Variants in EEA1 observed in about 807,000 individuals in gnomAD.
The protein encoded by EEA1 is early endosome antigen 1, also known as early endosome antigen 1, 162kD.
A neutral mutation model predicts 209.2 loss-of-function variants in EEA1; 111 were observed. The ratio of observed to expected loss-of-function variants is 0.53; its 90% CI spans 0.45 to 0.62. The LOEUF (loss-of-function observed/expected upper bound fraction) is 0.62, where lower values mean the gene tolerates loss of function less well. Ranked by LOEUF, EEA1 falls within the 20% of genes least tolerant of loss-of-function variation. The probability of loss-of-function intolerance (pLI) is 0.00; values close to 1 mark genes in which losing one functional copy is unlikely to be tolerated. For missense variants in EEA1, 1,343 were observed against 1,530.8 expected (o/e 0.88, Z 2.05); for synonymous variants, 536 against 540.6 (o/e 0.99, Z 0.12).
At chr12:92,784,786 T>G (rs1242852481) in intron 22 of EEA1, among the ~76,000 whole-genome samples, 1 of 152,208 alleles carries the variant, frequency 6.6e-6, no homozygotes, top group East Asian at 1.9e-4. Context: ...TATTGCATAT[T>G]ATTTCCTCTG....
intron 14 of EEA1, among the ~76,000 whole-genome samples, chr12:92,818,569 T>C (rs1279034234): frequency 6.6e-6 from 1 of 152,174 alleles, no homozygotes; most frequent in East Asian, 1.9e-4. Flanking sequence ...AACTAAAAAC[T>C]AACCTAAAGA....
intron 5 of EEA1, among the ~76,000 whole-genome samples, chr12:92,856,761 C>T (rs1303709519): frequency 7.4e-6 from 1 of 135,360 alleles, no homozygotes; most frequent in Non-Finnish European, 1.5e-5. Context: ...ATATAGATAC[C>T]TGATTCTTTT....
rs141703509 is a variant in EEA1 at position 92,806,984 on chromosome 12, T to C, written c.2339+2033A>G. Among the ~76,000 whole-genome samples, 766 of 151,804 alleles carry C rather than the reference T, an allele frequency of 5.0e-3. 6 individuals carry two copies. Among genetic ancestry groups the C allele is most frequent in the African/African-American group, 0.017 (720 of 41,292 alleles). ...ACGGAGTCTCGCTCTGTCGCCCAGG[T>C]TGGAGTGCAGTGGCACTGGAGTGCA... is the stretch of plus-strand genomic sequence containing the variant. On this transcript the variant is annotated intron_variant, in intron 18 of 28. Coordinates refer to ENST00000322349, the MANE Select transcript of EEA1 (RefSeq NM_003566.4).
rs1029477160 is a variant in EEA1 at position 92,798,885 on chromosome 12, T to C, written c.2967+7A>G. 3 of 1,569,962 alleles carry C rather than the reference T, an allele frequency of 1.9e-6. No individual in the cohort carries two copies. Among genetic ancestry groups the C allele is most frequent in the African/African-American group, 1.4e-5 (1 of 72,590 alleles). ...TTCCTATAAAAAGTAAACAAATATA[T>C]CACTACCTTCTGTAAAACAGCAATT... On this transcript the variant is annotated splice_region_variant and intron_variant, in intron 21 of 28. Coordinates refer to ENST00000322349, the MANE Select transcript of EEA1 (RefSeq NM_003566.4).
intron 1 of EEA1, among the ~76,000 whole-genome samples, chr12:92,921,012 T>C (rs935586255): frequency 0.04 from 6,044 of 151,456 alleles, 399 homozygotes; most frequent in African/African-American, 0.13. Context: ...TCATCATCAC[T>C]GGCCATCAGA....
intron 18 of EEA1, among the ~76,000 whole-genome samples, chr12:92,805,474 A>T (rs1875156775): frequency 6.6e-6 from 1 of 152,144 alleles, no homozygotes; most frequent in African/African-American, 2.4e-5. Flanking sequence ...TACCTTTACT[A>T]CTGGAACAGT....
intron 2 of EEA1, among the ~76,000 whole-genome samples, chr12:92,879,011 C>T: frequency 6.6e-6 from 1 of 152,044 alleles, no homozygotes; most frequent in Non-Finnish European, 1.5e-5. Context: ...GTATACCTCC[C>T]TAATTTATGA....
intron 1 of EEA1, among the ~76,000 whole-genome samples, chr12:92,919,356 T>C (rs1373381217): frequency 6.8e-6 from 1 of 146,690 alleles, no homozygotes; most frequent in African/African-American, 2.5e-5. Context: ...AATAAAATAC[T>C]GGCAAACTGA....
At position 92,797,191 on chromosome 12, in the gene EEA1, G is replaced by A. The variant is rs368195479; in HGVS notation, c.2967+1701C>T. Among the ~76,000 whole-genome samples the A allele has an allele frequency of 4.6e-5, 7 of 152,222 alleles. No individual in the cohort carries two copies. The South Asian group carries it at 1.2e-3, about 27-fold the overall frequency. On this transcript the variant is annotated intron_variant, in intron 21 of 28. Coordinates refer to ENST00000322349, the MANE Select transcript of EEA1 (RefSeq NM_003566.4). ...CAACCTCTGCCTCTGGGGTTCAAGC[G>A]AGTCTCCTGCCTCAGCCTTCGGAGT...
rs770552779 is a variant in EEA1 at position 92,819,518 on chromosome 12, A to G, written c.1525-7T>C. 6.4e-7 allele frequency: 1 copy of G among 1,568,020 alleles called. No homozygotes were observed. The highest frequency in any genetic ancestry group is 1.2e-5 in the South Asian group (1 of 81,704). On this transcript the variant is annotated splice_polypyrimidine_tract_variant and splice_region_variant and intron_variant, in intron 13 of 28. Coordinates refer to ENST00000322349, the MANE Select transcript of EEA1 (RefSeq NM_003566.4). ...GAACTTGTTCCAAATCATTCTGTAA[A>G]GAATTGAAAACTACTACTTTAAGAA...
intron 10 of EEA1, among the ~76,000 whole-genome samples, chr12:92,834,916 G>A (rs1876843571): frequency 6.7e-6 from 1 of 149,188 alleles, no homozygotes; most frequent in African/African-American, 2.5e-5. Flanking sequence ...GTCTCACTCT[G>A]TCGCCCAGAC....
intron 22 of EEA1, among the ~76,000 whole-genome samples, chr12:92,782,985 T>C (rs1459186988): frequency 1.3e-5 from 2 of 152,248 alleles, no homozygotes; most frequent in African/African-American, 4.8e-5. Context: ...TCTGTGCCCC[T>C]TCCCCCATAT....
intron 1 of EEA1, among the ~76,000 whole-genome samples, chr12:92,898,044 G>A (rs994161167): frequency 1.3e-5 from 2 of 151,962 alleles, no homozygotes; most frequent in Admixed American, 6.5e-5. Context: ...AACCAAGCCC[G>A]CAATATCTCC....
In EEA1 at chr12:92,892,871, C is replaced by A. The variant is rs183766143; in HGVS notation, c.25-1150G>T. On this transcript the variant is annotated intron_variant, in intron 1 of 28. Transcript: ENST00000322349. Reference sequence around the variant, plus strand: ...TCTCGAACTCCTGACCTCAAGTGATCCCCCCACCTTGGCCTCCCAAAGTGC... The same window carrying A: ...TCTCGAACTCCTGACCTCAAGTGATACCCCCACCTTGGCCTCCCAAAGTGC... 3.5e-3 allele frequency among the ~76,000 whole-genome samples: 538 copies of A among 152,220 alleles called. 6 individuals carry two copies. The highest frequency in any genetic ancestry group is 0.012 in the African/African-American group (500 of 41,536).
intron 2 of EEA1, among the ~76,000 whole-genome samples, chr12:92,880,398 A>G (rs962649632): frequency 1.3e-5 from 2 of 152,134 alleles, no homozygotes; most frequent in Non-Finnish European, 2.9e-5. Context: ...TCCACCTCAC[A>G]GGAGCAAGCG....
In EEA1 at chr12:92,887,201, ACAGGC is replaced by A. The variant is rs377026925; in HGVS notation, c.117+4423_117+4427del. ...AAAAAAAAAGGATATAAAATATAAA[ACAGGC>A]CAGGCACAGTGGCTCATGGCTGTAA... On this transcript the variant is annotated intron_variant, in intron 2 of 28. Transcript: ENST00000322349. 5.9e-3 allele frequency among the ~76,000 whole-genome samples: 895 copies of A among 152,266 alleles called. 11 individuals are homozygous for A. Among genetic ancestry groups the A allele is most frequent in the African/African-American group, 0.02 (846 of 41,552 alleles).
At chr12:92,825,663 G>T (rs978323457) in intron 13 of EEA1, among the ~76,000 whole-genome samples, 6 of 151,860 alleles carry the variant, frequency 4.0e-5, no homozygotes, top group Admixed American at 1.3e-4. Context: ...AGCAGGAAAA[G>T]AAATGACCAA....
chr12:92,776,907 G>T lies in EEA1; in HGVS notation c.4050C>A (p.Ala1350=). Residue 1350 remains alanine (A), a synonymous_variant, in exon 28 of 29, where the codon GCC becomes GCA. Coordinates refer to ENST00000322349, the MANE Select transcript of EEA1 (RefSeq NM_003566.4). Reference sequence around the variant, plus strand: ...TACAGTTTTGTACTTCATTGTCTTCGGCCCACTTTCTATTCAACGCTTGTG... The same window carrying T: ...TACAGTTTTGTACTTCATTGTCTTCTGCCCACTTTCTATTCAACGCTTGTG... ...KHTQALNRKW[A]EDNEVQNCMA... 6.2e-7 allele frequency: 1 copy of T among 1,611,612 alleles called. No individual in the cohort carries two copies. The highest frequency in any genetic ancestry group is 8.5e-7 in the Non-Finnish European group (1 of 1,178,362).
chr12:92,822,129 C>T (rs1876083752), intron 13 of EEA1, among the ~76,000 whole-genome samples: 4 of 151,738 alleles, frequency 2.6e-5, no homozygotes, highest in Admixed American at 6.6e-5. Flanking sequence ...CCATTGTATC[C>T]GTTACCTCGT....
Sources: allele counts gnomAD v4.1 joint callset (sites outside exome capture counted in the v4.1 genomes callset), GRCh38; gene constraint gnomAD v4.1.1; transcripts MANE v1.5; gene names NCBI Gene and HGNC (gene_info 2026-07-23, HGNC 2026-07-21).